The following OTOG variants were observed in gnomAD, a reference collection of about 807,000 sequenced individuals.
The protein encoded by OTOG is otogelin.
A neutral mutation model predicts 313.8 loss-of-function variants in OTOG; 296 were observed. That is an observed-to-expected ratio of 0.94 (90% CI 0.86 to 1.04). The LOEUF is 1.04. OTOG is among the 50% of genes least tolerant of loss of function. OTOG has a pLI of 0.00. For missense variants in OTOG, 3,948 were observed against 3,840.1 expected (o/e 1.03, Z -0.74); for synonymous variants, 1,533 against 1,554.9 (o/e 0.99, Z 0.33).
chr11:17,572,332 G>T, intron 18 of OTOG, 128 bp downstream of exon 18: 2 of 1,303,658 alleles, frequency 1.5e-6, no homozygotes, highest in Non-Finnish European at 2.1e-6. Context: ...AGAGAAGGAG[G>T]AGCAGCAGGG....
chr11:17,578,223 A>G (rs751470743), intron 22 of OTOG, 150 bp from the exon 23 acceptor site: 7 of 1,386,664 alleles, frequency 5.0e-6, no homozygotes, highest in African/African-American at 1.5e-5. Context: ...TGTGAGGCGT[A>G]TCTGGGAAAC....
In OTOG at chr11:17,634,215, C is replaced by G; in HGVS notation, c.7414C>G (p.Leu2472Val). 6.4e-7 allele frequency: 1 copy of G among 1,550,530 alleles called. No homozygotes were observed. The highest frequency in any genetic ancestry group is 1.2e-5 in the South Asian group (1 of 84,064). The change falls in exon 44 of 56, where the codon CTG (leucine) becomes GTG (valine). Residue 2472 changes from leucine to valine, a missense_variant. Physicochemically the swap from Leu to Val is conservative, Grantham distance 32. Transcript: ENST00000399397. ...GCPSPRPESC[L>V]RFGEVALLLP... ...CCCCAGTCCCCGCCCTGAGAGCTGC[C>G]TGCGATTCGGGGAGGTGGCCTTGCT...
chr11:17,570,066 T>C, intron 16 of OTOG, 147 bp from the exon 17 acceptor site: 1 of 708,166 alleles, frequency 1.4e-6, no homozygotes, highest in Admixed American at 2.5e-5. Context: ...CCATACCAGC[T>C]TCATGGCAGG....
chr11:17,549,716 T>G (rs1170819142), intron 3 of OTOG, among the ~76,000 whole-genome samples: 1 of 152,180 alleles, frequency 6.6e-6, no homozygotes, highest in Non-Finnish European at 1.5e-5. Flanking sequence ...CCGTGCTGGT[T>G]TCCAGGGTAG....
intron 42 of OTOG, among the ~76,000 whole-genome samples, chr11:17,632,620 C>A (rs1854158440): frequency 6.6e-6 from 1 of 152,128 alleles, no homozygotes; most frequent in African/African-American, 2.4e-5. Flanking sequence ...CCCACGGACA[C>A]CGTCCAGCAC....
intron 32 of OTOG, among the ~76,000 whole-genome samples, chr11:17,603,249 G>A (rs1175844801): frequency 1.3e-5 from 2 of 152,112 alleles, no homozygotes; most frequent in South Asian, 2.1e-4. Context: ...GCACTGGGCC[G>A]CAGGACAGCT....
Position 17,611,352 on chromosome 11 carries a change from C to T in OTOG, c.6052C>T (p.Leu2018=), listed in dbSNP as rs1853542943. 2 of 1,549,914 alleles carry T rather than the reference C, an allele frequency of 1.3e-6. No individual in the cohort carries two copies. Among genetic ancestry groups the T allele is most frequent in the African/African-American group, 1.4e-5 (1 of 73,054 alleles). Residue 2018 remains leucine, a synonymous_variant, in exon 36 of 56, where the codon CTG becomes TTG. Coordinates refer to ENST00000399397, the MANE Select transcript of OTOG (RefSeq NM_001292063.2). ...TEPSGRSAPA[L]SIVEGLAEAL... is the part of the protein sequence containing the mutation. Reference sequence around the variant, plus strand: ...ACCATCTGGGCGCTCAGCCCCAGCCCTGAGCATCGTAGAGGGTTTGGCGGA... The same window carrying T: ...ACCATCTGGGCGCTCAGCCCCAGCCTTGAGCATCGTAGAGGGTTTGGCGGA...
At position 17,610,885 on chromosome 11, in the gene OTOG, C is replaced by CCACT; in HGVS notation, c.5589_5592dup (p.Ile1865SerfsTer29). On this transcript the variant is annotated frameshift_variant, in exon 36 of 56. Coordinates refer to ENST00000399397, the MANE Select transcript of OTOG (RefSeq NM_001292063.2). LOFTEE classifies it high-confidence loss of function. ...GCAGCAATGACCCAGGCGCACCCAC[C>CCACT]CACTCACATAGCACCCCCAGCAGCA... 1 of 1,550,740 alleles carries CCACT rather than the reference C, an allele frequency of 6.4e-7. No individual in the cohort carries two copies. Among genetic ancestry groups the CCACT allele is most frequent in the Non-Finnish European group, 8.7e-7 (1 of 1,146,988 alleles).
chr11:17,561,085 T>C lies in OTOG; in HGVS notation c.1452-6T>C, dbSNP rs1035804304. The C allele has an allele frequency of 9.5e-5, 148 of 1,550,426 alleles. 1 individual carries two copies. The highest frequency in any genetic ancestry group is 1.3e-4 in the Non-Finnish European group (148 of 1,146,962). On this transcript the variant is annotated splice_polypyrimidine_tract_variant and splice_region_variant and intron_variant, in intron 13 of 55. Coordinates refer to ENST00000399397, the MANE Select transcript of OTOG (RefSeq NM_001292063.2). ...ACCTCTTGCCTCCTTGGTCTCTGTG[T>C]TTTAGCACATGCACCTCAGGCAAGT...
chr11:17,599,845 G>T, intron 31 of OTOG, 148 bp downstream of exon 31: 1 of 943,574 alleles, frequency 1.1e-6, no homozygotes, highest in South Asian at 1.5e-5. Context: ...TGCAGAGAGA[G>T]CCCTGACAGT....
intron 38 of OTOG, among the ~76,000 whole-genome samples, chr11:17,613,374 C>CCTTCCTTCCTTCCT (rs1565119211): frequency 4.0e-5 from 3 of 74,718 alleles, no homozygotes; most frequent in African/African-American, 1.6e-4. Context: ...CCTTCCTTCC[C>CCTTCCTTCCTTCCT]TCCTTCCTTC....
rs143683334 is a variant in OTOG at position 17,559,864 on chromosome 11, AGAAGGAAG to A, written c.1342+216_1342+223del. On this transcript the variant is annotated intron_variant, in intron 12 of 55. Coordinates refer to ENST00000399397, the MANE Select transcript of OTOG (RefSeq NM_001292063.2). The stretch of plus-strand genomic sequence containing the variant: ...AAAAAAGGAGGAAAGAAGGAAGGGA[AGAAGGAAG>A]GAAGGAAGGAAGGGAGAGAGGGAGG... Among the ~76,000 whole-genome samples, 2,782 of 140,192 alleles carry A rather than the reference AGAAGGAAG, an allele frequency of 0.02. 68 individuals are homozygous for A. The highest frequency in any genetic ancestry group is 0.057 in the African/African-American group (2,132 of 37,718). 92.0% of individuals were successfully genotyped at this position (140,192 alleles called of 152,430 possible). A position where few individuals can be genotyped will look rare whatever the true frequency, so the allele number is the denominator to read the frequency against.
At chr11:17,580,747 T>C (rs79642550) in intron 23 of OTOG, among the ~76,000 whole-genome samples, 275 of 152,266 alleles carry the variant, frequency 1.8e-3, no homozygotes, top group African/African-American at 6.1e-3. Context: ...CCAATATTTA[T>C]TGTGTTTCTA....
Position 17,553,424 on chromosome 11 carries a change from G to A in OTOG, c.445G>A (p.Glu149Lys). The A allele has an allele frequency of 1.4e-6, 2 of 1,474,362 alleles. No homozygotes were observed. Among genetic ancestry groups the A allele is most frequent in the South Asian group, 2.8e-5 (2 of 70,960 alleles). 91.3% of individuals were successfully genotyped at this position (1,474,362 alleles called of 1,614,324 possible). A position where few individuals can be genotyped will look rare whatever the true frequency, so the allele number is the denominator to read the frequency against. The change falls in exon 6 of 56, where the codon GAG (glutamate) becomes AAG (lysine). Residue 149 changes from glutamate to lysine, a missense_variant. Glu to Lys is a moderately conservative substitution (Grantham distance 56). Coordinates refer to ENST00000399397, the MANE Select transcript of OTOG (RefSeq NM_001292063.2). ...CCGGGCGTGGGGGCAGCACCACGTG[G>A]AGACATTTGATGGGCTCTACTACTA... ...ICRAWGQHHV[E>K]TFDGLYYYLS...
intron 25 of OTOG, 39 bp downstream of exon 25, chr11:17,591,627 A>T (rs1385696365): frequency 6.5e-7 from 1 of 1,548,160 alleles, no homozygotes; most frequent in African/African-American, 1.4e-5. Flanking sequence ...GGCTCCATGC[A>T]CAGCTGTCAG....
intron 34 of OTOG, 98 bp downstream of exon 34, chr11:17,608,511 T>C (rs2134086742): frequency 2.6e-6 from 2 of 782,962 alleles, no homozygotes; most frequent in Non-Finnish European, 3.8e-6. Context: ...ATATGTTGAG[T>C]GTATGGGGAT....
rs557377288 is a variant in OTOG at position 17,610,346 on chromosome 11, C to T, written c.5046C>T (p.Pro1682=). ...VTKVISRTGV[P]QPTQAQSASS... is the part of the protein sequence containing the mutation. ...AGGTCATAAGCAGGACAGGGGTCCC[C>T]CAGCCCACCCAGGCCCAGAGTGCTT... Residue 1682 remains proline (P), a synonymous_variant, in exon 36 of 56, where the codon CCC becomes CCT. Coordinates refer to ENST00000399397, the MANE Select transcript of OTOG (RefSeq NM_001292063.2). 6.4e-6 allele frequency: 10 copies of T among 1,550,542 alleles called. No individual in the cohort carries two copies. Among genetic ancestry groups the T allele is most frequent in the Non-Finnish European group, 8.7e-6 (10 of 1,147,000 alleles).
intron 30 of OTOG, among the ~76,000 whole-genome samples, chr11:17,598,744 C>A (rs1336779156): frequency 6.6e-6 from 1 of 152,218 alleles, no homozygotes; most frequent in Non-Finnish European, 1.5e-5. Flanking sequence ...CACCCCTTGA[C>A]TGGGTATACC....
At position 17,633,812 on chromosome 11, in the gene OTOG, G is replaced by A; in HGVS notation, c.7205G>A (p.Cys2402Tyr). 1 of 1,550,212 alleles carries A rather than the reference G, an allele frequency of 6.5e-7. No homozygotes were observed. Among genetic ancestry groups the A allele is most frequent in the Non-Finnish European group, 8.7e-7 (1 of 1,146,910 alleles). ...HCQVLGEGCV[C>Y]SEGTILHRRH... ...CAGGTGCTGGGCGAGGGCTGCGTCT[G>A]CTCCGAGGGCACCATCTTACACCGG... The change falls in exon 43 of 56, where the codon TGC becomes TAC. Residue 2402 changes from cysteine to tyrosine, a missense_variant. By Grantham distance (194) the Cys-to-Tyr change is radical (BLOSUM62 -2). Coordinates refer to ENST00000399397, the MANE Select transcript of OTOG (RefSeq NM_001292063.2).
Sources: gnomAD v4.1 joint callset for allele counts (sites outside exome capture counted in the v4.1 genomes callset) on GRCh38, gnomAD v4.1.1 for gene constraint, MANE v1.5 for transcripts, NCBI Gene and HGNC (gene_info 2026-07-23, HGNC 2026-07-21) for gene names.